The following MAGI1 variants were observed in gnomAD, a reference collection of about 807,000 sequenced individuals.
The protein encoded by MAGI1 is membrane associated guanylate kinase, WW and PDZ domain containing 1.
A neutral mutation model predicts 139.9 loss-of-function variants in MAGI1; 58 were observed. The ratio of observed to expected loss-of-function variants is 0.41; its 90% CI spans 0.34 to 0.52. The LOEUF is 0.52. MAGI1 is among the 20% of genes least tolerant of loss of function. MAGI1 has a pLI of 0.12. For missense variants in MAGI1, 1,874 were observed against 1,901.6 expected, an observed-to-expected ratio of 0.99 and a Z score of 0.27; for synonymous variants, 812 against 737.9, an observed-to-expected ratio of 1.10 and a Z score of -1.63.
intron 1 of MAGI1, among the ~76,000 whole-genome samples, chr3:65,750,701 C>T (rs1193859481): frequency 1.3e-5 from 2 of 152,168 alleles, no homozygotes; most frequent in Admixed American, 1.3e-4. Flanking sequence ...AAATCTATAA[C>T]ATTAGAATCT....
intron 2 of MAGI1, among the ~76,000 whole-genome samples, chr3:65,558,964 C>T (rs1175843100): frequency 1.3e-5 from 2 of 152,156 alleles, no homozygotes; most frequent in African/African-American, 2.4e-5. Flanking sequence ...AGTACTACTC[C>T]TCTGCTAGAT....
At chr3:65,784,645 C>T (rs527349122) in intron 1 of MAGI1, among the ~76,000 whole-genome samples, 7 of 152,186 alleles carry the variant, frequency 4.6e-5, no homozygotes, top group Admixed American at 2.0e-4. Context: ...GCGGAGCTTG[C>T]AGTGAGCCGA....
chr3:65,611,523 A>G lies in MAGI1; in HGVS notation c.430+10449T>C, dbSNP rs2083112151. Among the ~76,000 whole-genome samples the G allele has an allele frequency of 2.0e-5, 3 of 146,384 alleles. No homozygotes were observed. In the Admixed American group the frequency reaches 2.1e-4, roughly 10 times the overall value. ...CATATACTATATATGTACATACAGC[A>G]GATAGAATACTCTATATATACTATA... On this transcript the variant is annotated intron_variant, in intron 2 of 22. Transcript: ENST00000402939.
At chr3:66,018,547 G>A (rs1161269759) in intron 1 of MAGI1, among the ~76,000 whole-genome samples, 1 of 152,194 alleles carries the variant, frequency 6.6e-6, no homozygotes, top group Non-Finnish European at 1.5e-5. Flanking sequence ...GGCCGGTGAA[G>A]GAATTGAAAA....
At chr3:65,824,292 C>T (rs2042107940) in intron 1 of MAGI1, among the ~76,000 whole-genome samples, 1 of 152,182 alleles carries the variant, frequency 6.6e-6, no homozygotes, top group Admixed American at 6.5e-5. Context: ...ATGGCCAGAG[C>T]TGCAGATGTG....
chr3:65,429,468 C>A, intron 12 of MAGI1, 52 bp downstream of exon 12: 2 of 1,520,628 alleles, frequency 1.3e-6, no homozygotes, highest in South Asian at 1.3e-5. Context: ...GTAAGTTAAG[C>A]AATGAATTTG....
intron 2 of MAGI1, among the ~76,000 whole-genome samples, chr3:65,571,935 C>G (rs940199838): frequency 6.6e-6 from 1 of 151,986 alleles, no homozygotes; most frequent in Non-Finnish European, 1.5e-5. Context: ...CAAATATACC[C>G]AACCTCATAA....
chr3:65,895,767 A>G (rs1476363938), intron 1 of MAGI1, among the ~76,000 whole-genome samples: 2 of 152,240 alleles, frequency 1.3e-5, no homozygotes, highest in African/African-American at 4.8e-5. Flanking sequence ...TATCAGTACC[A>G]TCAATATATT....
At chr3:65,459,011 T>C (rs1277924599) in intron 5 of MAGI1, among the ~76,000 whole-genome samples, 1 of 152,232 alleles carries the variant, frequency 6.6e-6, no homozygotes. Flanking sequence ...GTTTCATTCA[T>C]CTGTATATGG....
intron 1 of MAGI1, chr3:65,925,437 A>G (rs2062448705): frequency 6.6e-6 from 1 of 152,350 alleles, no homozygotes; most frequent in Middle Eastern, 3.4e-3. Context: ...CCCAACAAGG[A>G]CAACTGCAAA....
intron 12 of MAGI1, among the ~76,000 whole-genome samples, chr3:65,410,388 G>T (rs1226202794): frequency 6.6e-6 from 1 of 152,168 alleles, no homozygotes; most frequent in African/African-American, 2.4e-5. Flanking sequence ...AAGTAACATG[G>T]CCAATGTCAC....
intron 1 of MAGI1, among the ~76,000 whole-genome samples, chr3:65,629,238 G>A (rs1255807750): frequency 6.6e-6 from 1 of 152,140 alleles, no homozygotes; most frequent in African/African-American, 2.4e-5. Flanking sequence ...TTTCCCAAGA[G>A]AACACTTTTG....
intron 12 of MAGI1, among the ~76,000 whole-genome samples, chr3:65,419,221 TACACACACAC>T (rs71102854): frequency 2.3e-5 from 2 of 86,270 alleles, no homozygotes; most frequent in African/African-American, 6.7e-5. Flanking sequence ...AACACATTCA[TACACACACAC>T]ACACACACAC....
chr3:65,743,659 G>C (rs2035458796), intron 1 of MAGI1, among the ~76,000 whole-genome samples: 1 of 151,836 alleles, frequency 6.6e-6, no homozygotes, highest in South Asian at 2.1e-4. Flanking sequence ...GCAGTGAGCT[G>C]AGATTGTGCC....
At chr3:65,687,964 A>C in intron 1 of MAGI1, 6 of 769,512 alleles carry the variant, frequency 7.8e-6, no homozygotes, top group Non-Finnish European at 1.4e-5. Context: ...TTCACAGTTA[A>C]AGTTATCATC....
intron 1 of MAGI1, among the ~76,000 whole-genome samples, chr3:65,912,548 A>C (rs1302559962): frequency 6.6e-6 from 1 of 152,248 alleles, no homozygotes; most frequent in Non-Finnish European, 1.5e-5. Context: ...AATGTTTTTC[A>C]GGTCACACGC....
intron 1 of MAGI1, among the ~76,000 whole-genome samples, chr3:65,733,493 G>C (rs1249775892): frequency 6.6e-6 from 1 of 152,178 alleles, no homozygotes; most frequent in Non-Finnish European, 1.5e-5. Flanking sequence ...TAGCCCATCA[G>C]AGCAGACATT....
intron 1 of MAGI1, among the ~76,000 whole-genome samples, chr3:65,961,750 G>A (rs2107090281): frequency 6.6e-6 from 1 of 152,144 alleles, no homozygotes; most frequent in East Asian, 1.9e-4. Context: ...ATCCATTCGT[G>A]TCATTTTACA....
intron 2 of MAGI1, among the ~76,000 whole-genome samples, chr3:65,542,969 A>G (rs541501921): frequency 1.3e-5 from 2 of 152,316 alleles, no homozygotes; most frequent in East Asian, 3.9e-4. Flanking sequence ...CAGGCACCCT[A>G]CAGAATGGGA....
Sources: allele counts gnomAD v4.1 joint callset (sites outside exome capture counted in the v4.1 genomes callset), GRCh38; gene constraint gnomAD v4.1.1; transcripts MANE v1.5; gene names NCBI Gene and HGNC (gene_info 2026-07-23, HGNC 2026-07-21).